The following PSG3 variants were observed in gnomAD, a reference collection of about 807,000 sequenced individuals.
The protein encoded by PSG3 is pregnancy-specific beta-1-glycoprotein 3.
A neutral mutation model predicts 47.5 loss-of-function variants in PSG3; 61 were observed. That is an observed-to-expected ratio of 1.28 (90% CI 1.05 to 1.59). PSG3 has a LOEUF of 1.59. PSG3 is among the 40% of genes most tolerant of loss of function. PSG3 has a pLI of 0.00. For missense variants in PSG3, 756 were observed against 524.0 expected (o/e 1.44, Z -4.32); for synonymous variants, 263 against 198.4 (o/e 1.33, Z -2.74).
chr19:42,739,030 G>A lies in PSG3; in HGVS notation c.124C>T (p.Pro42Ser), dbSNP rs759718102. 6.2e-6 allele frequency: 10 copies of A among 1,613,634 alleles called. No homozygotes were observed. The Admixed American group carries it at 1.7e-4, about 27-fold the overall frequency. ...TCCTTCCCCTTGGAAACTTTGGTTG[G>A]CTCGGCTTCAATCGTGACTTGGGCA... ...TTAQVTIEAEPTKVSKGKDVL... is the reference protein window; with the variant it reads ...TTAQVTIEAESTKVSKGKDVL... The change falls in exon 2 of 7, where the codon CCA becomes TCA. Residue 42 changes from proline to serine, a missense_variant. Physicochemically the swap from Pro to Ser is moderately conservative, Grantham distance 74. Transcript: ENST00000327495.
intron 5 of PSG3, among the ~76,000 whole-genome samples, chr19:42,726,526 A>AT (rs1969380540): frequency 6.6e-6 from 1 of 152,208 alleles, no homozygotes. Flanking sequence ...AAGAAAAAAA[A>AT]TTTCAATTTA....
rs776366744 is a variant in PSG3 at position 42,738,721 on chromosome 19, C to G, written c.430+3G>C. ...CACCCAGTGATCACGTGGAGTCACT[C>G]ACGGTATAAGGTGAAGGTGAAATGT... On this transcript the variant is annotated splice_donor_region_variant and intron_variant, in intron 2 of 6. Transcript: ENST00000327495. 1.7e-5 allele frequency: 28 copies of G among 1,613,470 alleles called. No individual in the cohort carries two copies. The highest frequency in any genetic ancestry group is 1.4e-4 in the South Asian group (13 of 90,970).
intron 2 of PSG3, among the ~76,000 whole-genome samples, chr19:42,736,216 G>A (rs1969560282): frequency 6.6e-6 from 1 of 152,132 alleles, no homozygotes; most frequent in South Asian, 2.1e-4. Flanking sequence ...ATGTCGTTGG[G>A]CCAGAGTTTA....
chr19:42,739,958 CTT>C (rs544838262), intron 1 of PSG3, among the ~76,000 whole-genome samples: 3 of 145,386 alleles, frequency 2.1e-5, no homozygotes, highest in Admixed American at 1.4e-4. Flanking sequence ...TCTTTCCATT[CTT>C]TTTTTTTTTT....
chr19:42,735,045 G>A (rs1306917429), intron 2 of PSG3, among the ~76,000 whole-genome samples: 1 of 152,208 alleles, frequency 6.6e-6, no homozygotes, highest in African/African-American at 2.4e-5. Flanking sequence ...GGAAACAGTT[G>A]TATGTGGCAC....
At chr19:42,723,248 G>C (rs1969325215) in intron 6 of PSG3, among the ~76,000 whole-genome samples, 1 of 152,232 alleles carries the variant, frequency 6.6e-6, no homozygotes, top group Non-Finnish European at 1.5e-5. Context: ...CACGAGGTCA[G>C]ATGTTGCTTG....
In PSG3 at chr19:42,721,991, A is replaced by G. The variant is rs761863101; in HGVS notation, c.*140T>C. 44 of 416,914 alleles carry G rather than the reference A, an allele frequency of 1.1e-4. No homozygotes were observed. The highest frequency in any genetic ancestry group is 7.0e-5 in the Non-Finnish European group (16 of 227,478). 25.8% of individuals were successfully genotyped at this position (416,914 alleles called of 1,614,324 possible). Reference sequence around the variant, plus strand: ...TGAAGTTATCAGGAACTTGTATTCAAGAGTCCTTGTCAGAGTCTTTTCATA... The same window carrying G: ...TGAAGTTATCAGGAACTTGTATTCAGGAGTCCTTGTCAGAGTCTTTTCATA... On this transcript the variant is annotated 3_prime_UTR_variant, in exon 7 of 7. Coordinates refer to ENST00000327495, the MANE Select transcript of PSG3 (RefSeq NM_021016.4).
chr19:42,735,411 G>A (rs11669636), intron 2 of PSG3, among the ~76,000 whole-genome samples: 4 of 151,622 alleles, frequency 2.6e-5, no homozygotes, highest in Non-Finnish European at 5.9e-5. Flanking sequence ...CTGTCACCTA[G>A]GCTGGAGTGC....
rs1600383478 is a variant in PSG3, at chr19:42,730,061, G to A, written c.710-5C>T. On this transcript the variant is annotated splice_region_variant and splice_polypyrimidine_tract_variant and intron_variant, in intron 3 of 6. Coordinates refer to ENST00000327495, the MANE Select transcript of PSG3 (RefSeq NM_021016.4). Reference sequence around the variant, plus strand: ...TGTAGGGCTTGGGCAGCTTCGCTGTGTGGATAACAGAGAGAAGATTGTCCT... The same window carrying A: ...TGTAGGGCTTGGGCAGCTTCGCTGTATGGATAACAGAGAGAAGATTGTCCT... 1 of 1,610,570 alleles carries A rather than the reference G, an allele frequency of 6.2e-7. No homozygotes were observed. The highest frequency in any genetic ancestry group is 1.3e-5 in the African/African-American group (1 of 74,790).
At chr19:42,738,583 G>A in intron 2 of PSG3, 141 bp downstream of exon 2, 3 of 1,512,822 alleles carry the variant, frequency 2.0e-6, no homozygotes, top group South Asian at 1.2e-5. Flanking sequence ...TCTTCTGTGT[G>A]TGTCCTGCAC....
chr19:42,722,147 A>G (rs375013739), intron 6 of PSG3, 57 bp from the exon 7 acceptor site: 3 of 405,752 alleles, frequency 7.4e-6, no homozygotes, highest in East Asian at 7.2e-5. Context: ...AGAATTTATT[A>G]TGGTAAAGAC....
chr19:42,734,806 T>C (rs769390992), intron 2 of PSG3, among the ~76,000 whole-genome samples: 1 of 152,236 alleles, frequency 6.6e-6, no homozygotes, highest in Non-Finnish European at 1.5e-5. Flanking sequence ...ATGTGTGTTA[T>C]GTTAGTAAAT....
At chr19:42,735,413 CTGGAG>C (rs1197459090) in intron 2 of PSG3, among the ~76,000 whole-genome samples, 4 of 152,008 alleles carry the variant, frequency 2.6e-5, no homozygotes, top group Non-Finnish European at 5.9e-5. Flanking sequence ...GTCACCTAGG[CTGGAG>C]TGCAGTGGCA....
chr19:42,727,381 A>C (rs1018072377), intron 5 of PSG3, among the ~76,000 whole-genome samples: 1 of 152,350 alleles, frequency 6.6e-6, no homozygotes, highest in East Asian at 1.9e-4. Flanking sequence ...ATTAATTTCC[A>C]GAATACATGA....
rs1038188884 is a variant in PSG3 at position 42,739,313 on chromosome 19, C to G, written c.65-224G>C. ...CAACATGACCCCCATTCCTTCAACA[C>G]TTCTGACCTTGGCATTTTTCTGTTT... On this transcript the variant is annotated intron_variant, in intron 1 of 6. Transcript: ENST00000327495. 1.1e-5 allele frequency: 9 copies of G among 787,946 alleles called. No individual in the cohort carries two copies. The African/African-American group carries it at 1.4e-4, about 12-fold the overall frequency. 48.8% of individuals were successfully genotyped at this position (787,946 alleles called of 1,614,324 possible).
At position 42,739,035 on chromosome 19, in the gene PSG3, G is replaced by A; in HGVS notation, c.119C>T (p.Ala40Val). The A allele has an allele frequency of 6.2e-7, 1 of 1,613,524 alleles. No homozygotes were observed. The highest frequency in any genetic ancestry group is 8.5e-7 in the Non-Finnish European group (1 of 1,179,566). The part of the protein sequence containing the change: ...LPTTAQVTIE[A>V]EPTKVSKGKD... The stretch of plus-strand genomic sequence containing the variant: ...CCCCTTGGAAACTTTGGTTGGCTCG[G>A]CTTCAATCGTGACTTGGGCAGTGGT... Residue 40 changes from alanine to valine, a missense_variant, in exon 2 of 7, where the codon GCC (alanine) becomes GTC (valine). Physicochemically the swap from Ala to Val is moderately conservative, Grantham distance 64. Coordinates refer to ENST00000327495, the MANE Select transcript of PSG3 (RefSeq NM_021016.4).
chr19:42,736,505 A>C (rs1969565036), intron 2 of PSG3, among the ~76,000 whole-genome samples: 1 of 152,100 alleles, frequency 6.6e-6, no homozygotes, highest in African/African-American at 2.4e-5. Context: ...CTAAGCCCTG[A>C]TCCACTGGGG....
chr19:42,738,943 G>T lies in PSG3; in HGVS notation c.211C>A (p.Gln71Lys), dbSNP rs752340246. Residue 71 changes from glutamine (Q) to lysine (K), a missense_variant, in exon 2 of 7, where the codon CAA becomes AAA. Transcript: ENST00000327495. ...NLAGYIWYKG[Q>K]MKDLYHYITS... ...ATGTAATGGTAGAGGTCCTTCATTT[G>T]CCCTTTGTACCAGATGTAGCCAGCA... is the stretch of plus-strand genomic sequence containing the variant. 5 of 1,613,902 alleles carry T rather than the reference G, an allele frequency of 3.1e-6. No individual in the cohort carries two copies. The highest frequency in any genetic ancestry group is 1.3e-5 in the African/African-American group (1 of 74,868).
chr19:42,735,090 C>A (rs1314933585), intron 2 of PSG3, among the ~76,000 whole-genome samples: 1 of 152,202 alleles, frequency 6.6e-6, no homozygotes, highest in African/African-American at 2.4e-5. Flanking sequence ...CCCACCTGGC[C>A]ACCTCCACCT....
Sources: allele counts gnomAD v4.1 joint callset (sites outside exome capture counted in the v4.1 genomes callset), GRCh38; gene constraint gnomAD v4.1.1; transcripts MANE v1.5; gene names NCBI Gene and HGNC (gene_info 2026-07-23, HGNC 2026-07-21).